The following C10orf143 variants were observed in gnomAD, a reference collection of about 807,000 sequenced individuals.
The protein encoded by C10orf143 is chromosome 10 open reading frame 143, also known as uncharacterized protein C10orf143.
chr10:130,040,519 C>A (rs1416530351), intron 3 of C10orf143, among the ~76,000 whole-genome samples: 2 of 152,240 alleles, frequency 1.3e-5, no homozygotes, highest in African/African-American at 4.8e-5. Context: ...CCACCGCACC[C>A]TGCAGCCTCC....
At chr10:130,062,735 A>C (rs552534261), downstream of C10orf143, among the ~76,000 whole-genome samples, 1 of 152,050 alleles carries the variant, frequency 6.6e-6, no homozygotes, top group Non-Finnish European at 1.5e-5. Flanking sequence ...CTCCTTAATA[A>C]ACTCCCCTTC....
chr10:130,044,008 A>G (rs1364823494), intron 3 of C10orf143, among the ~76,000 whole-genome samples: 1 of 151,926 alleles, frequency 6.6e-6, no homozygotes, highest in Non-Finnish European at 1.5e-5. Flanking sequence ...AGAGAGAGAG[A>G]GAGAGAGAGA....
intron 1 of C10orf143, among the ~76,000 whole-genome samples, chr10:130,102,908 G>A (rs937909936): frequency 1.3e-4 from 19 of 150,028 alleles, no homozygotes; most frequent in South Asian, 2.1e-4. Flanking sequence ...TTTTTTTTGC[G>A]TCCTTTTATT....
intron 1 of C10orf143, 46 bp downstream of exon 1, chr10:130,110,658 G>A (rs1163679671): frequency 5.0e-6 from 2 of 398,430 alleles, no homozygotes; most frequent in East Asian, 3.6e-5. Context: ...CCCGCCCAGG[G>A]GCCATCCGCC....
intron 3 of C10orf143, among the ~76,000 whole-genome samples, chr10:130,050,625 T>TA (rs1860726597): frequency 6.6e-6 from 1 of 152,226 alleles, no homozygotes; most frequent in Non-Finnish European, 1.5e-5. Flanking sequence ...TGTGTTTTTT[T>TA]AAAGAAACTT....
chr10:130,051,498 C>T (rs1409370012), intron 3 of C10orf143, among the ~76,000 whole-genome samples: 2 of 36,794 alleles, frequency 5.4e-5, no homozygotes, highest in Admixed American at 2.5e-4. Flanking sequence ...CTCCTACCCC[C>T]GCCTCATTAA....
At chr10:130,090,834 T>G (rs560895981) in intron 1 of C10orf143, among the ~76,000 whole-genome samples, 111 of 152,272 alleles carry the variant, frequency 7.3e-4, no homozygotes, top group African/African-American at 2.6e-3. Flanking sequence ...CACCACAGTT[T>G]GACAAAGCCA....
intron 3 of C10orf143, among the ~76,000 whole-genome samples, chr10:130,049,296 C>T (rs1371543036): frequency 6.6e-6 from 1 of 152,248 alleles, no homozygotes; most frequent in Non-Finnish European, 1.5e-5. Flanking sequence ...CTCGGGCAAG[C>T]TCCCCCTCTG....
In C10orf143 at chr10:130,056,706, C is replaced by T. The variant is rs1422468970; in HGVS notation, c.298-20736G>A. 1.3e-5 allele frequency among the ~76,000 whole-genome samples: 2 copies of T among 151,870 alleles called. No homozygotes were observed. Among genetic ancestry groups the T allele is most frequent in the African/African-American group, 4.8e-5 (2 of 41,326 alleles). On this transcript the variant is annotated intron_variant and NMD_transcript_variant, in intron 3 of 5. Transcript: ENST00000643056. This position sits in a 1 kb window ranked among gnomAD's most constrained non-coding sequence, Gnocchi z 4.6. ...TCCTGGGTTCATGCCATTCTCCTGC[C>T]TCAGCCTCCTGAGTAGCTGGGATTA...
At chr10:130,102,048 G>A (rs1861566355) in intron 1 of C10orf143, among the ~76,000 whole-genome samples, 2 of 152,030 alleles carry the variant, frequency 1.3e-5, no homozygotes, top group Non-Finnish European at 2.9e-5. Context: ...CAGGCAGATT[G>A]CTTGAGCCCA....
intron 1 of C10orf143, chr10:130,106,934 T>A (rs1316147746): frequency 2.0e-6 from 2 of 1,004,164 alleles, no homozygotes; most frequent in East Asian, 2.4e-5. Flanking sequence ...GAACAGTGAA[T>A]CAGAAGATGG....
At chr10:130,101,795 G>T (rs1167710750) in intron 1 of C10orf143, among the ~76,000 whole-genome samples, 2 of 125,594 alleles carry the variant, frequency 1.6e-5, no homozygotes, top group South Asian at 2.7e-4. Flanking sequence ...GGGAGACAGA[G>T]ATTGCAGTGA....
At chr10:130,048,734 CCT>C (rs1056019203) in intron 3 of C10orf143, among the ~76,000 whole-genome samples, 3 of 152,282 alleles carry the variant, frequency 2.0e-5, no homozygotes, top group African/African-American at 7.2e-5. Flanking sequence ...GTCAGAATCT[CCT>C]CTGTCTCCCA....
At chr10:130,082,463 G>A (rs144143798) in intron 1 of C10orf143, among the ~76,000 whole-genome samples, 1 of 152,246 alleles carries the variant, frequency 6.6e-6, no homozygotes, top group East Asian at 1.9e-4. Context: ...CATGTTGTGG[G>A]AGGGACCCAG....
chr10:130,063,179 C>T (rs1032473400), downstream of C10orf143, among the ~76,000 whole-genome samples: 1 of 152,138 alleles, frequency 6.6e-6, no homozygotes, highest in Non-Finnish European at 1.5e-5. Flanking sequence ...ACGCGTGCCA[C>T]GTCAGCTACA....
intron 1 of C10orf143, chr10:130,106,106 A>T: frequency 1.6e-6 from 1 of 639,826 alleles, no homozygotes; most frequent in Non-Finnish European, 2.9e-6. Context: ...GGAGCCACGC[A>T]GGGTTGTGGC....
At chr10:130,038,015 G>A (rs1227425117) in intron 3 of C10orf143, among the ~76,000 whole-genome samples, 5 of 152,188 alleles carry the variant, frequency 3.3e-5, no homozygotes, top group African/African-American at 1.2e-4. Flanking sequence ...AGACCGTCTG[G>A]AGAGGGGCAG....
intron 3 of C10orf143, among the ~76,000 whole-genome samples, chr10:130,055,035 C>T (rs1860779923): frequency 6.6e-6 from 1 of 151,978 alleles, no homozygotes; most frequent in Admixed American, 6.6e-5. Flanking sequence ...GATTATCTTA[C>T]ACCATACAAA....
intron 3 of C10orf143, among the ~76,000 whole-genome samples, chr10:130,069,822 A>C (rs1004111385): frequency 6.6e-6 from 1 of 151,450 alleles, no homozygotes; most frequent in African/African-American, 2.4e-5. Context: ...ATAACAATTT[A>C]GATTTTTCTC....
Sources: gnomAD v4.1 joint callset for allele counts (sites outside exome capture counted in the v4.1 genomes callset) on GRCh38, gnomAD v4.1.1 for gene constraint, Gnocchi (gnomAD v3.1) non-coding constraint, MANE v1.5 for transcripts, NCBI Gene and HGNC (gene_info 2026-07-23, HGNC 2026-07-21) for gene names.